CHSY3: variants seen among roughly 807,000 people sequenced by gnomAD.
CHSY3 encodes the protein chondroitin sulfate synthase 3.
In CHSY3, 35 loss-of-function variants were observed where a neutral mutation model predicts 67.2. The ratio of observed to expected loss-of-function variants is 0.52; its 90% CI spans 0.40 to 0.69. The LOEUF (loss-of-function observed/expected upper bound fraction) is 0.69, where lower values mean the gene tolerates loss of function less well. Ranked by LOEUF, CHSY3 falls within the 30% of genes least tolerant of loss-of-function variation. The pLI is 0.00. For synonymous variants in CHSY3, 474 were observed against 434.7 expected (o/e 1.09, Z -1.12); for missense variants, 1,069 against 1,138.5 (o/e 0.94, Z 0.88).
chr5:130,029,115 C>T (rs1319539724), intron 2 of CHSY3, among the ~76,000 whole-genome samples: 1 of 152,072 alleles, frequency 6.6e-6, no homozygotes. Flanking sequence ...TCTCTTACCC[C>T]CAGCCAAAAG....
intron 2 of CHSY3, among the ~76,000 whole-genome samples, chr5:130,000,732 C>CTTTTTTTTTTTTTTT (rs71000946): frequency 1.3e-5 from 1 of 76,470 alleles, no homozygotes; most frequent in Non-Finnish European, 2.3e-5. Flanking sequence ...AACTTTTCTT[C>CTTTTTTTTTTTTTTT]TTTTTTTTTT....
chr5:130,181,772 C>T (rs1770257118), intron 2 of CHSY3, among the ~76,000 whole-genome samples: 1 of 152,108 alleles, frequency 6.6e-6, no homozygotes, highest in South Asian at 2.1e-4. Context: ...CTGAATTTCA[C>T]ATAAATGGAA....
chr5:130,082,460 T>C (rs1232446559), intron 2 of CHSY3, among the ~76,000 whole-genome samples: 2 of 152,112 alleles, frequency 1.3e-5, no homozygotes, highest in Non-Finnish European at 2.9e-5. Context: ...TCAAATCATG[T>C]GTTTGATCCA....
At chr5:130,175,121 T>G (rs1489950622) in intron 2 of CHSY3, among the ~76,000 whole-genome samples, 1 of 152,090 alleles carries the variant, frequency 6.6e-6, no homozygotes, top group Non-Finnish European at 1.5e-5. Flanking sequence ...CTTGTTTCAG[T>G]GATCCCATTA....
intron 2 of CHSY3, among the ~76,000 whole-genome samples, chr5:130,101,495 G>A (rs940589040): frequency 2.6e-5 from 4 of 152,018 alleles, no homozygotes; most frequent in African/African-American, 9.7e-5. Flanking sequence ...TATATTTATA[G>A]TGTATAACAT....
chr5:130,165,967 A>G (rs1413004310), intron 2 of CHSY3, among the ~76,000 whole-genome samples: 1 of 152,124 alleles, frequency 6.6e-6, no homozygotes, highest in Non-Finnish European at 1.5e-5. Context: ...GTTTTAAACA[A>G]TTCTGTAAAC....
rs979235488 is a variant in CHSY3 at position 129,905,255 on chromosome 5, T to C, written c.426T>C (p.Ala142=). The C allele has an allele frequency of 2.1e-6, 3 of 1,454,662 alleles. No individual in the cohort carries two copies. In the African/African-American group the frequency reaches 4.4e-5, roughly 21 times the overall value. The allele number at this position is 1,454,662 out of a possible 1,614,324, so 90.1% of individuals were successfully genotyped here. A position where few individuals can be genotyped will look rare whatever the true frequency, so the allele number is the denominator to read the frequency against. The stretch of plus-strand genomic sequence containing the variant: ...CCGAGGAGGAGGACGGGGGCGCGGC[T>C]GGGCAGCGGAGAGACGGCCGGCCGG... ...GEPEEEDGGA[A]GQRRDGRPGS... The change falls in exon 1 of 3, where the codon GCT becomes GCC. Residue 142 remains alanine, a synonymous_variant. Coordinates refer to ENST00000305031, the MANE Select transcript of CHSY3 (RefSeq NM_175856.5).
intron 2 of CHSY3, among the ~76,000 whole-genome samples, chr5:130,143,734 G>GTATA (rs372062970): frequency 0.035 from 3,325 of 94,570 alleles, 99 homozygotes; most frequent in Middle Eastern, 0.1. Context: ...GTGTGTGTGT[G>GTATA]TATATATATA....
intron 2 of CHSY3, among the ~76,000 whole-genome samples, chr5:130,092,680 C>T (rs1190100271): frequency 6.6e-6 from 1 of 152,120 alleles, no homozygotes; most frequent in African/African-American, 2.4e-5. Context: ...GGTCCTGCTG[C>T]TTGCATTACA....
chr5:130,042,611 A>G (rs762213793), intron 2 of CHSY3, among the ~76,000 whole-genome samples: 2 of 152,142 alleles, frequency 1.3e-5, no homozygotes, highest in Non-Finnish European at 2.9e-5. Flanking sequence ...AAGGTACTCT[A>G]TAAGATTTTT....
intron 2 of CHSY3, among the ~76,000 whole-genome samples, chr5:130,181,200 T>A (rs889336504): frequency 6.6e-6 from 1 of 152,162 alleles, no homozygotes. Flanking sequence ...GGAGGTTCCA[T>A]GAAATCCACT....
chr5:129,905,180 G>A lies in CHSY3; in HGVS notation c.351G>A (p.Glu117=), dbSNP rs756898541. The A allele has an allele frequency of 1.6e-5, 24 of 1,522,336 alleles. No individual in the cohort carries two copies. In the South Asian group the frequency reaches 2.7e-4, roughly 17 times the overall value. The allele number at this position is 1,522,336 out of a possible 1,614,324, so 94.3% of individuals were successfully genotyped here. A position where few individuals can be genotyped will look rare whatever the true frequency, so the allele number is the denominator to read the frequency against. The change falls in exon 1 of 3, where the codon GAG becomes GAA. Residue 117 remains glutamate, a synonymous_variant. Transcript: ENST00000305031. ...TGCAGCAGCGGCGGCGAGGACGCGA[G>A]CCTGAGGGCGCGACGGGGCTTCCCG... ...PPLQQRRRGR[E]PEGATGLPGA...
At chr5:129,958,073 C>A (rs940396419) in intron 2 of CHSY3, among the ~76,000 whole-genome samples, 11 of 152,010 alleles carry the variant, frequency 7.2e-5, no homozygotes, top group Non-Finnish European at 1.6e-4. Context: ...ATTTTTAAAA[C>A]TTCTAAATAT....
intron 2 of CHSY3, among the ~76,000 whole-genome samples, chr5:130,040,280 G>A (rs1764971491): frequency 1.3e-5 from 2 of 152,056 alleles, no homozygotes; most frequent in African/African-American, 2.4e-5. Context: ...TGTATTTAGA[G>A]TACACCACGT....
chr5:130,017,459 T>C (rs1377367579), intron 2 of CHSY3, among the ~76,000 whole-genome samples: 1 of 152,010 alleles, frequency 6.6e-6, no homozygotes, highest in Non-Finnish European at 1.5e-5. Flanking sequence ...GATGGAGGGG[T>C]CTGGGGTAGG....
chr5:130,163,902 A>G (rs1189310774), intron 2 of CHSY3, among the ~76,000 whole-genome samples: 1 of 152,232 alleles, frequency 6.6e-6, no homozygotes, highest in African/African-American at 2.4e-5. Context: ...ATGCATCTAT[A>G]TGATAGGCAT....
intron 2 of CHSY3, among the ~76,000 whole-genome samples, chr5:129,948,799 C>T (rs1057154206): frequency 6.6e-6 from 1 of 152,154 alleles, no homozygotes; most frequent in Non-Finnish European, 1.5e-5. Flanking sequence ...TACATCCCCA[C>T]CAGCAGTGTA....
chr5:130,098,819 GAATT>G (rs1241003531), intron 2 of CHSY3, among the ~76,000 whole-genome samples: 13 of 152,150 alleles, frequency 8.5e-5, no homozygotes, highest in African/African-American at 3.1e-4. Context: ...TATGAAAAAT[GAATT>G]AATATTAGAA....
At position 130,185,476 on chromosome 5, in the gene CHSY3, T is replaced by C; in HGVS notation, c.2334T>C (p.Tyr778=). The C allele has an allele frequency of 6.2e-7, 1 of 1,614,168 alleles. No homozygotes were observed. Among genetic ancestry groups the C allele is most frequent in the Non-Finnish European group, 8.5e-7 (1 of 1,179,998 alleles). The change falls in exon 3 of 3, where the codon TAT becomes TAC. Residue 778 remains tyrosine (Y), a synonymous_variant. Coordinates refer to ENST00000305031, the MANE Select transcript of CHSY3 (RefSeq NM_175856.5). ...FSKKTGFWRD[Y]GYGITCIYKS... ...AAAAGACTGGATTTTGGAGAGACTA[T>C]GGATATGGCATCACCTGTATTTACA...
Sources: allele counts gnomAD v4.1 joint callset (sites outside exome capture counted in the v4.1 genomes callset), GRCh38; gene constraint gnomAD v4.1.1; transcripts MANE v1.5; gene names NCBI Gene and HGNC (gene_info 2026-07-23, HGNC 2026-07-21).